The following TSNARE1 variants were observed in gnomAD, a reference collection of about 807,000 sequenced individuals.
TSNARE1 encodes the protein t-SNARE domain-containing protein 1.
A neutral mutation model predicts 62.0 loss-of-function variants in TSNARE1; 49 were observed. That is an observed-to-expected ratio of 0.79 (90% CI 0.63 to 1.00). The LOEUF (loss-of-function observed/expected upper bound fraction) is 1.00. Ranked by LOEUF, TSNARE1 falls within the 50% of genes least tolerant of loss-of-function variation. The probability of loss-of-function intolerance (pLI) is 0.00; values close to 1 mark genes in which losing one functional copy is unlikely to be tolerated. For missense variants in TSNARE1, 755 were observed against 700.1 expected, an observed-to-expected ratio of 1.08 and a Z score of -0.88; for synonymous variants, 328 against 294.4, an observed-to-expected ratio of 1.11 and a Z score of -1.17.
rs1199981113 is a variant in TSNARE1, at chr8:142,300,500, T to C, written c.1276A>G (p.Ile426Val). The C allele has an allele frequency of 1.2e-6, 2 of 1,605,040 alleles. No individual in the cohort carries two copies. The highest frequency in any genetic ancestry group is 1.7e-6 in the Non-Finnish European group (2 of 1,178,730). Residue 426 changes from isoleucine (I) to valine (V), a missense_variant, in exon 10 of 14, where the codon ATC becomes GTC. Physicochemically the swap from Ile to Val is conservative, Grantham distance 29 (BLOSUM62 3). Transcript: ENST00000524325. Reference protein sequence around the residue: ...LEAIRLREEAILQMESNLLDV... With the variant: ...LEAIRLREEAVLQMESNLLDV... The stretch of plus-strand genomic sequence containing the variant: ...GCCAGCCTCACCTCCATCTGCAGGA[T>C]GGCCTCCTCCCGCAGCCGGATGGCC...
chr8:142,319,295 C>G lies in TSNARE1; in HGVS notation c.894-661G>C, dbSNP rs1359122568. ...CAAGAGCGCCATGGCCCAGGGAGGC[C>G]AGCAGTCCCCACCCCCCTGCACACC... On this transcript the variant is annotated intron_variant, in intron 6 of 13. Coordinates refer to ENST00000524325, the MANE Select transcript of TSNARE1 (RefSeq NM_145003.5). This position sits in a 1 kb window ranked among gnomAD's most constrained non-coding sequence, Gnocchi z 4.9. 1.3e-5 allele frequency among the ~76,000 whole-genome samples: 2 copies of G among 152,000 alleles called. No individual in the cohort carries two copies. The highest frequency in any genetic ancestry group is 6.5e-5 in the Admixed American group (1 of 15,276).
At chr8:142,392,959 A>G (rs534579345) in intron 1 of TSNARE1, among the ~76,000 whole-genome samples, 20 of 152,104 alleles carry the variant, frequency 1.3e-4, no homozygotes, top group South Asian at 4.2e-4. Context: ...AAAAAAAAAA[A>G]AAAGAAAGAA....
intron 1 of TSNARE1, among the ~76,000 whole-genome samples, chr8:142,374,310 A>C (rs1376999001): frequency 6.6e-6 from 1 of 151,768 alleles, no homozygotes; most frequent in Non-Finnish European, 1.5e-5. Context: ...GTCTCAAAAA[A>C]ACAAAAGAAA....
chr8:142,267,753 C>T (rs1819214042), intron 12 of TSNARE1, among the ~76,000 whole-genome samples: 1 of 152,170 alleles, frequency 6.6e-6, no homozygotes, highest in Admixed American at 6.5e-5. Flanking sequence ...CATCACAGAC[C>T]CACCATCCTC....
At chr8:142,370,020 G>C (rs558201741) in intron 1 of TSNARE1, among the ~76,000 whole-genome samples, 1 of 152,242 alleles carries the variant, frequency 6.6e-6, no homozygotes, top group African/African-American at 2.4e-5. Flanking sequence ...CATGGAGGTG[G>C]AGCGCTCATG....
At chr8:142,212,812 CCCCT>C (rs1586731708) in intron 13 of TSNARE1, among the ~76,000 whole-genome samples, 2 of 137,754 alleles carry the variant, frequency 1.5e-5, no homozygotes, top group East Asian at 2.2e-4. Context: ...ATCCTTCCCC[CCCCT>C]GTCCCTCCCT....
Position 142,270,187 on chromosome 8 carries a change from C to A in TSNARE1, c.1446+4594G>T, listed in dbSNP as rs561711806. 4.0e-5 allele frequency: 39 copies of A among 985,360 alleles called. 1 individual carries two copies. In the East Asian group the frequency reaches 4.0e-3, roughly 101 times the overall value. The allele number at this position is 985,360 out of a possible 1,614,324, so 61.0% of individuals were successfully genotyped here. ...TGGGGGGCTGCAGACTGTGCCCTGC[C>A]GCGCAGGGACTGGAGATGTGGCAGC... On this transcript the variant is annotated intron_variant, in intron 12 of 13. Coordinates refer to ENST00000524325, the MANE Select transcript of TSNARE1 (RefSeq NM_145003.5).
chr8:142,280,239 G>A (rs2130767369), intron 11 of TSNARE1: 1 of 985,332 alleles, frequency 1.0e-6, no homozygotes, highest in East Asian at 1.1e-4. Context: ...GGGGTGTGGA[G>A]CCCGGCCCGG....
chr8:142,366,385 T>C lies in TSNARE1; in HGVS notation c.-39-11622A>G, dbSNP rs116909360. 9.8e-3 allele frequency among the ~76,000 whole-genome samples: 1,495 copies of C among 152,248 alleles called. 12 individuals are homozygous for C. The highest frequency in any genetic ancestry group is 0.021 in the East Asian group (107 of 5,190). The stretch of plus-strand genomic sequence containing the variant: ...AACAAGAAAAAGAAAAAATTACAAA[T>C]GAATGTTATAAATATTGATGCAAAA... On this transcript the variant is annotated intron_variant, in intron 1 of 13. Transcript: ENST00000524325.
chr8:142,241,386 A>G (rs912767103), intron 12 of TSNARE1, among the ~76,000 whole-genome samples: 11 of 152,224 alleles, frequency 7.2e-5, no homozygotes, highest in African/African-American at 2.7e-4. Flanking sequence ...GGAAAGATAT[A>G]CTGTGTTCAT....
At chr8:142,269,479 G>C in intron 12 of TSNARE1, 1 of 985,416 alleles carries the variant, frequency 1.0e-6, no homozygotes, top group Non-Finnish European at 1.2e-6. Flanking sequence ...CAGCCGTGCT[G>C]GGTATCTTTA....
chr8:142,276,556 G>A (rs923038384), intron 11 of TSNARE1: 2 of 985,354 alleles, frequency 2.0e-6, no homozygotes, highest in Admixed American at 1.2e-4. Flanking sequence ...AGACAGGAAG[G>A]CCATGGTGGT....
At chr8:142,324,221 T>A (rs1037894510) in intron 6 of TSNARE1, among the ~76,000 whole-genome samples, 2 of 152,222 alleles carry the variant, frequency 1.3e-5, no homozygotes, top group African/African-American at 4.8e-5. Context: ...AAACTGCACC[T>A]GAAGCCCCAC....
intron 10 of TSNARE1, among the ~76,000 whole-genome samples, chr8:142,299,833 C>T (rs978276530): frequency 1.3e-5 from 2 of 152,244 alleles, no homozygotes; most frequent in African/African-American, 4.8e-5. Flanking sequence ...GTTTTAGCAA[C>T]TGTCTTAAGA....
chr8:142,276,712 G>A, intron 11 of TSNARE1: 1 of 985,390 alleles, frequency 1.0e-6, no homozygotes, highest in Non-Finnish European at 1.2e-6. Flanking sequence ...CCTAGCCCTG[G>A]CCCTGGGGAC....
chr8:142,251,632 C>T (rs905338887), intron 12 of TSNARE1, among the ~76,000 whole-genome samples: 2 of 152,216 alleles, frequency 1.3e-5, no homozygotes, highest in African/African-American at 4.8e-5. Flanking sequence ...TGAGAGGAGC[C>T]TTCGACACCC....
intron 1 of TSNARE1, among the ~76,000 whole-genome samples, chr8:142,372,268 C>A (rs1835969026): frequency 6.6e-6 from 1 of 152,210 alleles, no homozygotes; most frequent in Admixed American, 6.5e-5. Flanking sequence ...ATGTTCACTG[C>A]AGCCTCAGCT....
intron 1 of TSNARE1, among the ~76,000 whole-genome samples, chr8:142,385,522 T>TC (rs749131766): frequency 4.3e-4 from 65 of 152,004 alleles, no homozygotes; most frequent in Non-Finnish European, 8.2e-4. Context: ...GACTATGGAG[T>TC]AATGACTCAA....
At chr8:142,260,606 C>A (rs1184153969) in intron 12 of TSNARE1, among the ~76,000 whole-genome samples, 3 of 152,270 alleles carry the variant, frequency 2.0e-5, no homozygotes, top group South Asian at 2.1e-4. Flanking sequence ...GAGCCCCGTT[C>A]CCCTGGAAAG....
Sources: allele counts gnomAD v4.1 joint callset (sites outside exome capture counted in the v4.1 genomes callset), GRCh38; gene constraint gnomAD v4.1.1; non-coding constraint Gnocchi (gnomAD v3.1); transcripts MANE v1.5; gene names NCBI Gene and HGNC (gene_info 2026-07-23, HGNC 2026-07-21).